CCDC160: variants seen among roughly 807,000 people sequenced by gnomAD.
CCDC160 encodes coiled-coil domain-containing protein 160.
For synonymous variants in CCDC160, 94 were observed against 79.4 expected, an observed-to-expected ratio of 1.18 and a Z score of -0.98; for missense variants, 227 against 215.6, an observed-to-expected ratio of 1.05 and a Z score of -0.33.
chrX:134,240,715 G>A (rs924504427), intron 1 of CCDC160, among the ~76,000 whole-genome samples: 3 of 74,053 alleles, frequency 4.1e-5, no homozygotes, highest in Non-Finnish European at 6.9e-5. Context: ...ACAGAGTGTC[G>A]CTCTGTTTCC....
chrX:134,239,245 G>A (rs2077020054), intron 1 of CCDC160, among the ~76,000 whole-genome samples: 2 of 111,883 alleles, frequency 1.8e-5, no homozygotes, highest in African/African-American at 3.2e-5. Context: ...TATAATAAAG[G>A]TCTGTGTGAA....
intron 1 of CCDC160, among the ~76,000 whole-genome samples, chrX:134,241,556 A>G (rs987377214): frequency 8.9e-6 from 1 of 112,435 alleles, no homozygotes; most frequent in Non-Finnish European, 1.9e-5. Context: ...TTGTAGACAC[A>G]TACGCCTTAA....
downstream of CCDC160, among the ~76,000 whole-genome samples, chrX:134,246,635 G>C (rs1465424766): frequency 1.8e-5 from 2 of 111,946 alleles, no homozygotes; most frequent in Non-Finnish European, 3.8e-5. Context: ...GATTTTTACA[G>C]TAATCCAGCC....
intron 1 of CCDC160, among the ~76,000 whole-genome samples, chrX:134,244,357 A>G (rs984885508): frequency 1.2e-4 from 13 of 112,468 alleles, no homozygotes; most frequent in African/African-American, 4.2e-4. Context: ...CAATAGTCCA[A>G]TCCAAAAGAA....
intron 1 of CCDC160, chrX:134,243,278 A>T: frequency 1.6e-6 from 1 of 627,253 alleles, no homozygotes; most frequent in Non-Finnish European, 1.9e-6. Context: ...AACTCTCCAA[A>T]TAGTTCATCT....
At chrX:134,243,618 TATTA>T (rs1237691490) in intron 1 of CCDC160, among the ~76,000 whole-genome samples, 1 of 112,295 alleles carries the variant, frequency 8.9e-6, no homozygotes, top group Non-Finnish European at 1.9e-5. Flanking sequence ...TCAAAGAAAA[TATTA>T]ATTAAGAAAT....
rs113829136 is a variant in CCDC160, at chrX:134,237,733, C to T, written c.-25+390C>T. Among the ~76,000 whole-genome samples, 127 of 112,203 alleles carry T rather than the reference C, an allele frequency of 1.1e-3. 1 individual carries two copies. Among genetic ancestry groups the T allele is most frequent in the African/African-American group, 4.0e-3 (123 of 30,926 alleles). ...ACAATTTACAGAGAAAACTCCCAAACTATGCATACAAAGATACAGCTTTGT... is the reference window on the plus strand; with the variant it reads ...ACAATTTACAGAGAAAACTCCCAAATTATGCATACAAAGATACAGCTTTGT... On this transcript the variant is annotated intron_variant, in intron 1 of 1. Transcript: ENST00000370809.
chrX:134,246,520 G>A (rs751425657), downstream of CCDC160, among the ~76,000 whole-genome samples: 3 of 111,328 alleles, frequency 2.7e-5, no homozygotes, highest in African/African-American at 9.8e-5. Context: ...TCCAAAACTC[G>A]ACCAGGGGAA....
At chrX:134,242,058 G>A (rs561638576) in intron 1 of CCDC160, among the ~76,000 whole-genome samples, 1 of 110,999 alleles carries the variant, frequency 9.0e-6, no homozygotes, top group Admixed American at 9.6e-5. Context: ...GACTAGATTT[G>A]GGAACAAGCC....
chrX:134,246,004 AGTGTGT>A (rs201689931), downstream of CCDC160: 755 of 199,749 alleles, frequency 3.8e-3, 6 homozygotes, highest in East Asian at 0.026. Flanking sequence ...CTCATATCAG[AGTGTGT>A]GTGTGTGTGT....
At chrX:134,246,004 A>AGTGTGTGTGT (rs201689931), downstream of CCDC160, 369 of 200,182 alleles carry the variant, frequency 1.8e-3, 1 homozygote, top group East Asian at 8.0e-3. Context: ...CTCATATCAG[A>AGTGTGTGTGT]GTGTGTGTGT....
chrX:134,245,244 T>C, exon 2 of CCDC160: 1 of 1,194,278 alleles, frequency 8.4e-7, no homozygotes, highest in South Asian at 1.9e-5. Context: ...TTTGCCTGAA[T>C]CTTTTGAATG....
At chrX:134,245,102 C>G (rs1475940065) in exon 2 of CCDC160, 2 of 1,188,248 alleles carry the variant, frequency 1.7e-6, no homozygotes, top group South Asian at 3.7e-5. Context: ...TATGAATCAT[C>G]TAATGTGGAT....
At chrX:134,243,392 G>A in intron 1 of CCDC160, 2 of 730,601 alleles carry the variant, frequency 2.7e-6, no homozygotes, top group Non-Finnish European at 3.2e-6. Context: ...GGGAAAAGGG[G>A]AGAGGAGAGG....
chrX:134,245,777 A>T (rs780846007), exon 2 of CCDC160: 213 of 1,097,553 alleles, frequency 1.9e-4, no homozygotes, highest in Middle Eastern at 1.3e-3. Flanking sequence ...GATTTTTTTT[A>T]AAACTTAAAA....
Position 134,240,664 on chromosome X carries a change from C to CTTTTT in CCDC160, c.-25+3352_-25+3356dup, listed in dbSNP as rs3045487. On this transcript the variant is annotated intron_variant, in intron 1 of 1. Coordinates refer to ENST00000370809, the Ensembl canonical transcript of CCDC160. ...GGTCCTGAAAATTTGAAACCAAATT[C>CTTTTT]TTTTTTTTTTTTTTTTTTTTTTTTT... Among the ~76,000 whole-genome samples the CTTTTT allele has an allele frequency of 1.1e-3, 29 of 27,171 alleles. 6 individuals carry two copies. Among genetic ancestry groups the CTTTTT allele is most frequent in the East Asian group, 6.0e-3 (3 of 502 alleles). 23.6% of individuals were successfully genotyped at this position (27,171 alleles called of 115,157 possible). A position where few individuals can be genotyped will look rare whatever the true frequency, so the allele number is the denominator to read the frequency against.
At chrX:134,238,415 C>T (rs967050384) in intron 1 of CCDC160, among the ~76,000 whole-genome samples, 33 of 100,382 alleles carry the variant, frequency 3.3e-4, no homozygotes, top group Non-Finnish European at 4.4e-4. Flanking sequence ...CTCTGTTGCC[C>T]AGGCTGGAGT....
chrX:134,238,898 A>T (rs1440484592), intron 1 of CCDC160, 58 bp downstream of exon 2: 1 of 111,528 alleles, frequency 9.0e-6, no homozygotes, highest in Non-Finnish European at 1.9e-5. Flanking sequence ...ACAGAGCCTT[A>T]CGCAACATAA....
chrX:134,243,336 G>C, intron 1 of CCDC160: 1 of 750,743 alleles, frequency 1.3e-6, no homozygotes, highest in Non-Finnish European at 1.6e-6. Context: ...GTAGTTGCCA[G>C]TAGGGATGTA....
Sources: gnomAD v4.1 joint callset for allele counts (sites outside exome capture counted in the v4.1 genomes callset) on GRCh38, gnomAD v4.1.1 for gene constraint, MANE v1.5 for transcripts, NCBI Gene and HGNC (gene_info 2026-07-23, HGNC 2026-07-21) for gene names.